Variants in NBPF14 observed in about 807,000 individuals in gnomAD.
NBPF14 encodes NBPF family member NBPF14.
In NBPF14, 104 loss-of-function variants were observed where a neutral mutation model predicts 91.2. The ratio of observed to expected loss-of-function variants is 1.14; its 90% CI spans 0.97 to 1.34. NBPF14 has a LOEUF of 1.34. NBPF14 is among the 40% of genes most tolerant of loss of function. The probability of loss-of-function intolerance (pLI) is 0.00; values close to 1 mark genes in which losing one functional copy is unlikely to be tolerated. For synonymous variants in NBPF14, 294 were observed against 303.8 expected (o/e 0.97, Z 0.34); for missense variants, 908 against 783.0 (o/e 1.16, Z -1.91).
intron 36 of NBPF14, among the ~76,000 whole-genome samples, 169 bp from the exon 37 acceptor site, chr1:148,560,134 G>C (rs1657498722): frequency 2.0e-5 from 3 of 151,010 alleles, no homozygotes; most frequent in African/African-American, 4.9e-5. Flanking sequence ...GGGCCAGGTA[G>C]AAAACAATGA....
At chr1:148,560,147 G>C (rs1320069200) in intron 36 of NBPF14, among the ~76,000 whole-genome samples, 182 bp from the exon 37 acceptor site, 3 of 151,302 alleles carry the variant, frequency 2.0e-5, no homozygotes, top group Non-Finnish European at 2.9e-5. Flanking sequence ...AACAATGAAA[G>C]AGAAAGACAG....
At chr1:148,577,451 A>G (rs1419664147) in intron 14 of NBPF14, 96 bp from the exon 15 acceptor site, 5 of 675,660 alleles carry the variant, frequency 7.4e-6, no homozygotes, top group African/African-American at 1.8e-5. Context: ...AAGAGTTTGA[A>G]AAGAAAAAGG....
At chr1:148,592,755 A>G in exon 4 of NBPF14, 4 of 1,583,448 alleles carry the variant, frequency 2.5e-6, no homozygotes, top group South Asian at 1.1e-5. Flanking sequence ...GTGAACCAGG[A>G]CTTTATATTG....
chr1:148,591,511 A>C lies in NBPF14; in HGVS notation c.494-7T>G. 6.2e-7 allele frequency: 1 copy of C among 1,610,108 alleles called. No individual in the cohort carries two copies. ...TCCTCATCTTCGTCATTTTCTAGAA[A>C]TACAAAATGTTCGTTCAGATATTTC... On this transcript the variant is annotated splice_region_variant and splice_polypyrimidine_tract_variant and intron_variant, in intron 4 of 70. Transcript: ENST00000619423.
chr1:148,566,546 C>G (rs1190321277), intron 28 of NBPF14, among the ~76,000 whole-genome samples: 1 of 144,066 alleles, frequency 6.9e-6, no homozygotes, highest in African/African-American at 2.5e-5. Flanking sequence ...CACACAAACA[C>G]ACACACACAC....
At chr1:148,561,821 AGAG>A (rs2149509424) in intron 34 of NBPF14, among the ~76,000 whole-genome samples, 1 of 123,528 alleles carries the variant, frequency 8.1e-6, no homozygotes, top group South Asian at 2.3e-4. Context: ...ACACACACAG[AGAG>A]AGAGAGAGAG....
chr1:148,533,867 C>A (rs1450492594), exon 70 of NBPF14: 10 of 764,066 alleles, frequency 1.3e-5, no homozygotes, highest in Admixed American at 3.4e-5. Context: ...TCACCTGGGG[C>A]ATGGTGGGTT....
chr1:148,594,886 T>C lies in NBPF14; in HGVS notation c.175+657A>G, dbSNP rs1290804558. 5.2e-5 allele frequency among the ~76,000 whole-genome samples: 5 copies of C among 95,504 alleles called. 1 individual carries two copies. Among genetic ancestry groups the C allele is most frequent in the Non-Finnish European group, 9.3e-5 (5 of 54,030 alleles). 62.7% of individuals were successfully genotyped at this position (95,504 alleles called of 152,430 possible). A position where few individuals can be genotyped will look rare whatever the true frequency, so the allele number is the denominator to read the frequency against. On this transcript the variant is annotated intron_variant, in intron 2 of 70. Coordinates refer to ENST00000619423, the Ensembl canonical transcript of NBPF14. ...CCACTTTTTGTATTTTTAGTGGAGA[T>C]GGGGTTTCTCCATGTTGCCCAGGCT...
rs1293071611 is a variant in NBPF14 at position 148,561,671 on chromosome 1, T to A, written c.4275-92A>T. 2.1e-4 allele frequency: 60 copies of A among 280,266 alleles called. 1 individual carries two copies. The highest frequency in any genetic ancestry group is 1.1e-3 in the Middle Eastern group (1 of 944). 17.4% of individuals were successfully genotyped at this position (280,266 alleles called of 1,614,324 possible). A position where few individuals can be genotyped will look rare whatever the true frequency, so the allele number is the denominator to read the frequency against. ...TTTCATGGGTAGCATAGGGAAGTGG[T>A]TAAAAAACTAAAAGGATAGATCCAT... On this transcript the variant is annotated intron_variant, in intron 34 of 70. Coordinates refer to ENST00000619423, the Ensembl canonical transcript of NBPF14.
rs1654123555 is a variant in NBPF14, at chr1:148,533,455, A to AGG, written c.8724-208_8724-207insCC. Reference sequence around the variant, plus strand: ...ATGAAAGAGAAAGACAGAGAGAGAGAGACAGAGACAGAGACAGAGAGAAAG... The same window carrying AGG: ...ATGAAAGAGAAAGACAGAGAGAGAGAGGGACAGAGACAGAGACAGAGAGAAAG... On this transcript the variant is annotated intron_variant, in intron 70 of 70. Transcript: ENST00000619423. Among the ~76,000 whole-genome samples, 4 of 149,938 alleles carry AGG rather than the reference A, an allele frequency of 2.7e-5. No individual in the cohort carries two copies. The South Asian group carries it at 8.3e-4, about 31-fold the overall frequency.
At position 148,559,873 on chromosome 1, in the gene NBPF14, A is replaced by T. The variant is rs1309396869; in HGVS notation, c.4649T>A (p.Leu1550Gln). 97 of 1,404,928 alleles carry T rather than the reference A, an allele frequency of 6.9e-5. 14 individuals are homozygous for T. The Middle Eastern group carries it at 4.0e-3, about 58-fold the overall frequency. The allele number at this position is 1,404,928 out of a possible 1,614,324, so 87.0% of individuals were successfully genotyped here. A position where few individuals can be genotyped will look rare whatever the true frequency, so the allele number is the denominator to read the frequency against. ...TCTATAGGGCTGGCATGAGTCAGTC[A>T]GTTCAAGACAACCTGAAGGAGTTGA... Residue 1550 changes from leucine to glutamine, a missense_variant, in exon 37 of 71, where the codon CTG becomes CAG. Coordinates refer to ENST00000619423, the Ensembl canonical transcript of NBPF14.
rs1351072852 is a variant in NBPF14 at position 148,593,481 on chromosome 1, A to G, written c.278+117T>C. 28 of 661,898 alleles carry G rather than the reference A, an allele frequency of 4.2e-5. No individual in the cohort carries two copies. In the East Asian group the frequency reaches 6.4e-4, roughly 15 times the overall value. 41.0% of individuals were successfully genotyped at this position (661,898 alleles called of 1,614,324 possible). On this transcript the variant is annotated intron_variant, in intron 3 of 70. Coordinates refer to ENST00000619423, the Ensembl canonical transcript of NBPF14. Reference sequence around the variant, plus strand: ...AATATTTTTGTGTCATGAGCCTGCCATGGCAATTTCTGCCCTTCCCCTGGC... The same window carrying G: ...AATATTTTTGTGTCATGAGCCTGCCGTGGCAATTTCTGCCCTTCCCCTGGC...
rs1161262976 is a variant in NBPF14, at chr1:148,591,240, C to G, written c.566+192G>C. Among the ~76,000 whole-genome samples, 57 of 148,662 alleles carry G rather than the reference C, an allele frequency of 3.8e-4. 1 individual carries two copies. Among genetic ancestry groups the G allele is most frequent in the Middle Eastern group, 3.6e-3 (1 of 280 alleles). On this transcript the variant is annotated intron_variant, in intron 5 of 70. Coordinates refer to ENST00000619423, the Ensembl canonical transcript of NBPF14. ...AAGACTCAGCTATCCCTGTATGGTA[C>G]AGACATGACACTTGGCACACATAGA...
At chr1:148,576,730 T>C (rs1659830398) in intron 15 of NBPF14, among the ~76,000 whole-genome samples, 1 of 142,460 alleles carries the variant, frequency 7.0e-6, no homozygotes, top group African/African-American at 2.5e-5. Flanking sequence ...TTATGCCATA[T>C]TTTTCCAATC....
intron 68 of NBPF14, 151 bp downstream of exon 68, chr1:148,535,302 A>G: frequency 3.2e-6 from 2 of 628,712 alleles, no homozygotes; most frequent in Non-Finnish European, 5.6e-6. Context: ...GGAAACCTAA[A>G]CATCTACTGC....
intron 14 of NBPF14, among the ~76,000 whole-genome samples, chr1:148,577,564 ACACACACACACACT>A (rs1444511801): frequency 1.3e-5 from 2 of 150,938 alleles, no homozygotes; most frequent in South Asian, 2.1e-4. Context: ...ACACACACAC[ACACACACACACACT>A]CACACACACA....
At chr1:148,565,793 G>T (rs1658157463) in intron 29 of NBPF14, among the ~76,000 whole-genome samples, 1 of 14,482 alleles carries the variant, frequency 6.9e-5, no homozygotes, top group Non-Finnish European at 1.4e-4. Context: ...ATTGTTCATG[G>T]TTGTGAGGAC....
Position 148,587,476 on chromosome 1 carries a change from G to A in NBPF14, c.989-73C>T, listed in dbSNP as rs1423945466. 1.7e-5 allele frequency: 24 copies of A among 1,419,570 alleles called. 1 individual carries two copies. Among genetic ancestry groups the A allele is most frequent in the Middle Eastern group, 2.6e-4 (1 of 3,782 alleles). 87.9% of individuals were successfully genotyped at this position (1,419,570 alleles called of 1,614,324 possible). A position where few individuals can be genotyped will look rare whatever the true frequency, so the allele number is the denominator to read the frequency against. On this transcript the variant is annotated intron_variant, in intron 7 of 70. Coordinates refer to ENST00000619423, the Ensembl canonical transcript of NBPF14. Reference sequence around the variant, plus strand: ...GCTGTGGTCATTGCCTACAGGACAGGAGCCAGGTCCATCCCAAGGACAAAA... The same window carrying A: ...GCTGTGGTCATTGCCTACAGGACAGAAGCCAGGTCCATCCCAAGGACAAAA...
rs1272155721 is a variant in NBPF14 at position 148,557,642 on chromosome 1, G to A, written c.4955-100C>T. On this transcript the variant is annotated intron_variant, in intron 39 of 70. Transcript: ENST00000619423. ...CCACACAGGGATCTCAGGCTCCTCAGCATGAGAACAGGACCATGTGAGAGA... is the reference window on the plus strand; with the variant it reads ...CCACACAGGGATCTCAGGCTCCTCAACATGAGAACAGGACCATGTGAGAGA... The A allele has an allele frequency of 1.5e-5, 9 of 590,558 alleles. No individual in the cohort carries two copies. The Admixed American group carries it at 2.3e-4, about 15-fold the overall frequency. 36.6% of individuals were successfully genotyped at this position (590,558 alleles called of 1,614,324 possible).
Sources: allele counts gnomAD v4.1 joint callset (sites outside exome capture counted in the v4.1 genomes callset), GRCh38; gene constraint gnomAD v4.1.1; transcripts MANE v1.5; gene names NCBI Gene and HGNC (gene_info 2026-07-23, HGNC 2026-07-21).